Variants in SP4 observed in about 807,000 individuals in gnomAD.
The protein encoded by SP4 is transcription factor Sp4.
Under a neutral mutation model 72.8 loss-of-function variants are expected in SP4, and 19 were observed. The observed-to-expected ratio is 0.26, with a 90% CI of 0.18 to 0.38. The LOEUF is 0.38. Among genes scored for constraint, SP4 ranks in the 10% least tolerant of loss-of-function variants. The pLI is 1.00. For missense variants in SP4, 1,008 were observed against 926.3 expected (o/e 1.09, Z -1.14); for synonymous variants, 395 against 333.1 (o/e 1.19, Z -2.02).
At chr7:21,494,813 C>T (rs1405039934) in intron 5 of SP4, among the ~76,000 whole-genome samples, 1 of 152,010 alleles carries the variant, frequency 6.6e-6, no homozygotes, top group African/African-American at 2.4e-5. Context: ...ATTAGAATAG[C>T]CAAAACAGTT....
intron 3 of SP4, among the ~76,000 whole-genome samples, chr7:21,466,099 GTTAAGTAGGCATT>G (rs1431564465): frequency 1.3e-5 from 2 of 152,104 alleles, no homozygotes; most frequent in African/African-American, 4.8e-5. Context: ...TGTCCTCTCT[GTTAAGTAGGCATT>G]TTATGCACAT....
At chr7:21,458,570 A>G (rs896383439) in intron 3 of SP4, among the ~76,000 whole-genome samples, 4 of 152,148 alleles carry the variant, frequency 2.6e-5, no homozygotes, top group Non-Finnish European at 5.9e-5. Context: ...CTGTGTTCTC[A>G]TCTCTTCTCC....
At position 21,513,089 on chromosome 7, in the gene SP4, C is replaced by A. The variant is rs1032005075; in HGVS notation, c.*1820C>A. ...CTGTTTGAATATAGGTACGTGTTTT[C>A]TTGTGCATTCTCTATAATTTCAGGA... is the stretch of plus-strand genomic sequence containing the variant. On this transcript the variant is annotated 3_prime_UTR_variant, in exon 6 of 6. Coordinates refer to ENST00000222584, the MANE Select transcript of SP4 (RefSeq NM_003112.5). 17 of 152,546 alleles carry A rather than the reference C, an allele frequency of 1.1e-4. No homozygotes were observed. Among genetic ancestry groups the A allele is most frequent in the African/African-American group, 3.1e-4 (13 of 41,416 alleles). 9.4% of individuals were successfully genotyped at this position (152,546 alleles called of 1,614,324 possible). A position where few individuals can be genotyped will look rare whatever the true frequency, so the allele number is the denominator to read the frequency against.
chr7:21,503,838 T>A (rs761795806), intron 5 of SP4, among the ~76,000 whole-genome samples: 49 of 152,240 alleles, frequency 3.2e-4, no homozygotes, highest in Non-Finnish European at 6.0e-4. Flanking sequence ...AATTTCCACA[T>A]GCTTGTTTAG....
intron 3 of SP4, among the ~76,000 whole-genome samples, chr7:21,432,145 T>TA (rs1782879887): frequency 6.6e-6 from 1 of 152,236 alleles, no homozygotes; most frequent in Non-Finnish European, 1.5e-5. Context: ...AACTGAATTT[T>TA]AAATTTTATT....
intron 3 of SP4, among the ~76,000 whole-genome samples, chr7:21,446,650 A>G (rs1454317944): frequency 1.3e-5 from 2 of 152,210 alleles, no homozygotes; most frequent in Non-Finnish European, 2.9e-5. Flanking sequence ...TTAGAATTCT[A>G]TAAAGCACAA....
chr7:21,481,816 C>A, intron 4 of SP4, 108 bp from the exon 5 acceptor site: 1 of 789,652 alleles, frequency 1.3e-6, no homozygotes, highest in Non-Finnish European at 2.1e-6. Flanking sequence ...CATGATCAAA[C>A]CTATTCAGAG....
chr7:21,457,564 G>A (rs1342159717), intron 3 of SP4, among the ~76,000 whole-genome samples: 2 of 152,146 alleles, frequency 1.3e-5, no homozygotes, highest in Non-Finnish European at 2.9e-5. Context: ...ACAATTGCAT[G>A]TTCCTTTCCT....
At chr7:21,439,782 C>G (rs1171956386) in intron 3 of SP4, among the ~76,000 whole-genome samples, 1 of 152,056 alleles carries the variant, frequency 6.6e-6, no homozygotes, top group Non-Finnish European at 1.5e-5. Flanking sequence ...TTTGTAGTCC[C>G]AGCCACTCAG....
At position 21,430,238 on chromosome 7, in the gene SP4, C is replaced by G; in HGVS notation, c.1073C>G (p.Thr358Ser). Residue 358 changes from threonine (T) to serine (S), a missense_variant, in exon 3 of 6, where the codon ACC (threonine) becomes AGC (serine). By Grantham distance (58) the Thr-to-Ser change is moderately conservative. Coordinates refer to ENST00000222584, the MANE Select transcript of SP4 (RefSeq NM_003112.5). ...ACATCAGCCAGTAGTTCTGAACGCACCATTGAAGAATCTCAAACACCTGCT... is the reference window on the plus strand; with the variant it reads ...ACATCAGCCAGTAGTTCTGAACGCAGCATTGAAGAATCTCAAACACCTGCT... ...ASTSASSSER[T>S]IEESQTPAAT... 2 of 1,614,196 alleles carry G rather than the reference C, an allele frequency of 1.2e-6. No individual in the cohort carries two copies. The highest frequency in any genetic ancestry group is 1.7e-6 in the Non-Finnish European group (2 of 1,180,044).
At chr7:21,488,424 T>G (rs752220526) in intron 5 of SP4, among the ~76,000 whole-genome samples, 38 of 152,222 alleles carry the variant, frequency 2.5e-4, no homozygotes, top group Non-Finnish European at 5.3e-4. Context: ...GACAATTTAT[T>G]TTCTAGTTTG....
At chr7:21,439,968 A>T (rs1389917513) in intron 3 of SP4, among the ~76,000 whole-genome samples, 1 of 152,228 alleles carries the variant, frequency 6.6e-6, no homozygotes. Context: ...AAAAAGTGAT[A>T]ATTCAGATTT....
chr7:21,443,646 G>A (rs1783329492), intron 3 of SP4, among the ~76,000 whole-genome samples: 1 of 152,194 alleles, frequency 6.6e-6, no homozygotes, highest in Non-Finnish European at 1.5e-5. Flanking sequence ...CTGTGCTTTG[G>A]TAAGTGGGTA....
chr7:21,469,349 G>A (rs1167056817), intron 3 of SP4, among the ~76,000 whole-genome samples: 3 of 147,900 alleles, frequency 2.0e-5, no homozygotes, highest in Non-Finnish European at 3.0e-5. Context: ...GGTAATCTAT[G>A]GGTAATTACT....
intron 3 of SP4, among the ~76,000 whole-genome samples, chr7:21,466,612 A>G (rs1296615428): frequency 6.6e-6 from 1 of 152,176 alleles, no homozygotes; most frequent in Non-Finnish European, 1.5e-5. Context: ...TAGTATGTTG[A>G]TAGTCCTGGA....
At chr7:21,457,060 A>G (rs1283855753) in intron 3 of SP4, among the ~76,000 whole-genome samples, 2 of 152,216 alleles carry the variant, frequency 1.3e-5, no homozygotes, top group Admixed American at 6.5e-5. Flanking sequence ...ACCACTGGGA[A>G]ACATATCTGA....
chr7:21,440,865 A>G (rs1562588268), intron 3 of SP4, among the ~76,000 whole-genome samples: 2 of 58,600 alleles, frequency 3.4e-5, no homozygotes, highest in African/African-American at 1.4e-4. Flanking sequence ...AACAACAACA[A>G]CAACAACAAC....
At position 21,430,444 on chromosome 7, in the gene SP4, C is replaced by G; in HGVS notation, c.1279C>G (p.Leu427Val). The G allele has an allele frequency of 6.2e-7, 1 of 1,613,896 alleles. No individual in the cohort carries two copies. The highest frequency in any genetic ancestry group is 1.7e-4 in the Middle Eastern group (1 of 6,060). ...GGCTATTCCACCACAGTCGTTTCAA[C>G]TCCAGTCAGGGCAGACGATTCAGAC... ...IQAIPPQSFQ[L>V]QSGQTIQTIQ... Residue 427 changes from leucine to valine, a missense_variant, in exon 3 of 6, where the codon CTC (leucine) becomes GTC (valine). Leu to Val is a conservative substitution (Grantham distance 32, BLOSUM62 1). Around this residue, in one of 3 missense-constraint regions of SP4, gnomAD observed 893 missense variants for 743.3 expected, o/e 1.20. Transcript: ENST00000222584.
chr7:21,462,531 A>C (rs757448664), intron 3 of SP4, among the ~76,000 whole-genome samples: 2 of 152,338 alleles, frequency 1.3e-5, no homozygotes, highest in Non-Finnish European at 2.9e-5. Flanking sequence ...ATATTTGTTA[A>C]TAAGTCTGAG....
Sources: gnomAD v4.1 joint callset for allele counts (sites outside exome capture counted in the v4.1 genomes callset) on GRCh38, gnomAD v4.1.1 for gene constraint, gnomAD v4.1.1 regional missense constraint, MANE v1.5 for transcripts, NCBI Gene and HGNC (gene_info 2026-07-23, HGNC 2026-07-21) for gene names.